The following SYCP2L variants were observed in gnomAD, a reference collection of about 807,000 sequenced individuals.
The protein encoded by SYCP2L is synaptonemal complex protein 2-like.
SYCP2L carries 98 observed loss-of-function variants against 125.8 expected under a neutral mutation model. The ratio of observed to expected loss-of-function variants is 0.78; its 90% CI spans 0.66 to 0.92. The LOEUF is 0.92. SYCP2L is among the 40% of genes least tolerant of loss of function. SYCP2L has a pLI of 0.00. For missense variants in SYCP2L, 842 were observed against 936.4 expected (o/e 0.90, Z 1.32); for synonymous variants, 317 against 325.4 (o/e 0.97, Z 0.28).
intron 25 of SYCP2L, 79 bp downstream of exon 25, chr6:10,956,321 T>C: frequency 9.6e-7 from 1 of 1,037,228 alleles, no homozygotes; most frequent in Non-Finnish European, 1.4e-6. Flanking sequence ...AGCCAGACAG[T>C]ACCACATGGT....
intron 23 of SYCP2L, among the ~76,000 whole-genome samples, chr6:10,953,311 T>TA (rs1471825501): frequency 1.3e-5 from 2 of 152,202 alleles, no homozygotes; most frequent in Non-Finnish European, 1.5e-5. Context: ...CTATTTGTCT[T>TA]AAAGTGTTAA....
At chr6:10,942,424 C>A in intron 21 of SYCP2L, 35 bp from the exon 22 acceptor site, 2 of 1,312,412 alleles carry the variant, frequency 1.5e-6, no homozygotes, top group Non-Finnish European at 1.0e-6. Context: ...TGTTACTTGG[C>A]GTGTATTCAC....
intron 2 of SYCP2L, among the ~76,000 whole-genome samples, chr6:10,893,011 T>C (rs963403184): frequency 3.8e-5 from 5 of 131,804 alleles, no homozygotes; most frequent in Non-Finnish European, 6.6e-5. Context: ...GTATATATAC[T>C]TTTTTTTTTT....
intron 8 of SYCP2L, among the ~76,000 whole-genome samples, chr6:10,903,502 C>G (rs922256635): frequency 6.6e-6 from 1 of 151,866 alleles, no homozygotes; most frequent in Non-Finnish European, 1.5e-5. Flanking sequence ...GAGCCGAGAT[C>G]GCGCCACTGT....
intron 8 of SYCP2L, 92 bp from the exon 9 acceptor site, chr6:10,905,926 CAT>C: frequency 1.3e-6 from 1 of 776,730 alleles, no homozygotes; most frequent in Non-Finnish European, 2.1e-6. Context: ...GTTTCAGAAA[CAT>C]ATACTTTGGT....
At chr6:10,948,317 A>T (rs1445681745) in intron 23 of SYCP2L, among the ~76,000 whole-genome samples, 9 of 152,150 alleles carry the variant, frequency 5.9e-5, no homozygotes, top group Admixed American at 5.9e-4. Context: ...CTGAAAGTTT[A>T]TGCCTTTTGA....
chr6:10,935,215 G>C, intron 21 of SYCP2L, 28 bp downstream of exon 21: 1 of 1,599,648 alleles, frequency 6.3e-7, no homozygotes, highest in Admixed American at 1.8e-5. Flanking sequence ...GACTTACATA[G>C]GAAAAAATTT....
At chr6:10,890,664 C>T (rs567914432) in intron 1 of SYCP2L, among the ~76,000 whole-genome samples, 236 of 152,236 alleles carry the variant, frequency 1.6e-3, no homozygotes, top group Non-Finnish European at 2.6e-3. Context: ...TCTATTATTT[C>T]CCTTTCTGTA....
At chr6:10,944,410 T>A (rs77245515) in intron 23 of SYCP2L, among the ~76,000 whole-genome samples, 3,667 of 152,328 alleles carry the variant, frequency 0.024, 152 homozygotes, top group East Asian at 0.2. Context: ...TTCTGGACAC[T>A]TGTCCTTGAT....
At chr6:10,902,991 T>G in intron 8 of SYCP2L, 28 bp downstream of exon 8, 1 of 1,581,650 alleles carries the variant, frequency 6.3e-7, no homozygotes, top group Non-Finnish European at 8.7e-7. Flanking sequence ...AGTTACGTGC[T>G]GTAGTAAGGG....
intron 26 of SYCP2L, 116 bp from the exon 27 acceptor site, chr6:10,961,189 A>T: frequency 1.3e-6 from 1 of 795,200 alleles, no homozygotes; most frequent in Non-Finnish European, 2.1e-6. Flanking sequence ...TGTTCCCATG[A>T]CAAGAAATGT....
chr6:10,905,386 G>A (rs1330369817), intron 8 of SYCP2L, among the ~76,000 whole-genome samples: 3 of 151,384 alleles, frequency 2.0e-5, no homozygotes, highest in South Asian at 2.1e-4. Flanking sequence ...TCCGCCTCCC[G>A]GGTTCAAGAG....
At chr6:10,914,578 G>T (rs918842135) in intron 14 of SYCP2L, among the ~76,000 whole-genome samples, 1 of 147,350 alleles carries the variant, frequency 6.8e-6, no homozygotes, top group Non-Finnish European at 1.5e-5. Flanking sequence ...TATTGAATGT[G>T]TAGATTGCTT....
intron 23 of SYCP2L, among the ~76,000 whole-genome samples, chr6:10,946,275 C>T (rs1781314210): frequency 6.6e-6 from 1 of 152,014 alleles, no homozygotes; most frequent in Non-Finnish European, 1.5e-5. Context: ...TACTGATTAA[C>T]TTAGAAATCA....
intron 15 of SYCP2L, among the ~76,000 whole-genome samples, chr6:10,925,405 T>G (rs916558408): frequency 6.6e-5 from 10 of 152,180 alleles, no homozygotes; most frequent in African/African-American, 2.4e-4. Flanking sequence ...TACCTGTTGG[T>G]CTTATCTTGT....
rs369253318 is a variant in SYCP2L at position 10,955,232 on chromosome 6, C to G, written c.2056+15C>G. 2.2e-4 allele frequency: 336 copies of G among 1,527,342 alleles called. No homozygotes were observed. The highest frequency in any genetic ancestry group is 7.9e-5 in the Non-Finnish European group (87 of 1,100,872). 94.6% of individuals were successfully genotyped at this position (1,527,342 alleles called of 1,614,324 possible). On this transcript the variant is annotated intron_variant, in intron 24 of 29. Coordinates refer to ENST00000283141, the MANE Select transcript of SYCP2L (RefSeq NM_001040274.3). ...AGAGTTGCCAGGTAACATCATGCAC[C>G]CAGCCAATGGTTCAAGTAGGAGTGG...
At chr6:10,943,266 A>G (rs1324762167) in intron 23 of SYCP2L, among the ~76,000 whole-genome samples, 1 of 152,166 alleles carries the variant, frequency 6.6e-6, no homozygotes, top group East Asian at 1.9e-4. Context: ...TCTACTGTTT[A>G]TGATGTTTCT....
intron 2 of SYCP2L, 81 bp downstream of exon 2, chr6:10,891,662 T>C (rs1164825727): frequency 2.3e-6 from 2 of 855,576 alleles, no homozygotes; most frequent in Non-Finnish European, 3.6e-6. Flanking sequence ...TGTGTGTGTG[T>C]GTATGTGTAT....
intron 2 of SYCP2L, 24 bp from the exon 3 acceptor site, chr6:10,893,843 A>G: frequency 5.0e-6 from 8 of 1,599,002 alleles, no homozygotes; most frequent in Non-Finnish European, 6.8e-6. Flanking sequence ...GGAAAAAGTA[A>G]TTTGCAAACT....
Sources: allele counts gnomAD v4.1 joint callset (sites outside exome capture counted in the v4.1 genomes callset), GRCh38; gene constraint gnomAD v4.1.1; transcripts MANE v1.5; gene names NCBI Gene and HGNC (gene_info 2026-07-23, HGNC 2026-07-21).